Variants in SGCZ observed in about 807,000 individuals in gnomAD.
The protein encoded by SGCZ is sarcoglycan zeta, also known as zeta-sarcoglycan.
Under a neutral mutation model 41.3 loss-of-function variants are expected in SGCZ, and 40 were observed. That is an observed-to-expected ratio of 0.97 (90% CI 0.75 to 1.26). The LOEUF (loss-of-function observed/expected upper bound fraction) is 1.26. SGCZ is among the 50% of genes most tolerant of loss of function. The pLI is 0.00. For missense variants in SGCZ, 552 were observed against 369.8 expected, an observed-to-expected ratio of 1.49 and a Z score of -4.04; for synonymous variants, 206 against 137.5, an observed-to-expected ratio of 1.50 and a Z score of -3.49.
intron 1 of SGCZ, among the ~76,000 whole-genome samples, chr8:15,205,669 G>C (rs1801036373): frequency 6.6e-6 from 1 of 152,170 alleles, no homozygotes; most frequent in Non-Finnish European, 1.5e-5. Context: ...TGGTGGGAAT[G>C]TAAATTAGTT....
At chr8:14,854,218 T>C (rs1307895103) in intron 1 of SGCZ, among the ~76,000 whole-genome samples, 1 of 151,578 alleles carries the variant, frequency 6.6e-6, no homozygotes, top group Non-Finnish European at 1.5e-5. Flanking sequence ...GCAGTAACTT[T>C]TGACTTGTAA....
At chr8:15,112,574 G>A (rs528258093) in intron 1 of SGCZ, among the ~76,000 whole-genome samples, 5 of 152,314 alleles carry the variant, frequency 3.3e-5, no homozygotes, top group East Asian at 1.9e-4. Flanking sequence ...TAATGTGTCC[G>A]TTTCTGGGCC....
chr8:14,448,450 T>C (rs889347409), intron 2 of SGCZ, among the ~76,000 whole-genome samples: 10 of 152,192 alleles, frequency 6.6e-5, no homozygotes, highest in Admixed American at 5.9e-4. Context: ...TCCTGGACTA[T>C]GCATTTTGGC....
At chr8:14,189,147 C>T (rs1160660300) in intron 4 of SGCZ, among the ~76,000 whole-genome samples, 2 of 152,100 alleles carry the variant, frequency 1.3e-5, no homozygotes, top group Non-Finnish European at 2.9e-5. Flanking sequence ...GCGTGAGCCA[C>T]TGCACCTGGC....
intron 1 of SGCZ, among the ~76,000 whole-genome samples, chr8:14,892,273 C>T (rs1163731930): frequency 3.9e-5 from 6 of 152,116 alleles, no homozygotes; most frequent in Non-Finnish European, 8.8e-5. Flanking sequence ...GATATATCTG[C>T]TGAGTGTAGG....
chr8:14,536,519 T>G (rs1803301426), intron 2 of SGCZ, among the ~76,000 whole-genome samples: 1 of 151,886 alleles, frequency 6.6e-6, no homozygotes, highest in Admixed American at 6.6e-5. Flanking sequence ...TAGAAATTAT[T>G]ACTAAATAAA....
At chr8:15,136,916 C>G (rs953005868) in intron 1 of SGCZ, among the ~76,000 whole-genome samples, 1 of 152,066 alleles carries the variant, frequency 6.6e-6, no homozygotes, top group Non-Finnish European at 1.5e-5. Flanking sequence ...GAACTGGGTA[C>G]TAAAGGCAGA....
At chr8:14,267,768 G>A (rs986650058) in intron 3 of SGCZ, among the ~76,000 whole-genome samples, 7 of 152,042 alleles carry the variant, frequency 4.6e-5, no homozygotes, top group African/African-American at 1.7e-4. Context: ...GATCTAAAAT[G>A]CTTTCATTTT....
chr8:15,164,493 G>A (rs1799597430), intron 1 of SGCZ, among the ~76,000 whole-genome samples: 1 of 152,048 alleles, frequency 6.6e-6, no homozygotes, highest in Non-Finnish European at 1.5e-5. Context: ...CCCAGCCCAG[G>A]GGTTTTACTC....
At chr8:14,274,722 A>AT (rs200737288) in intron 3 of SGCZ, among the ~76,000 whole-genome samples, 5,937 of 151,862 alleles carry the variant, frequency 0.039, 145 homozygotes, top group African/African-American at 0.066. Context: ...TCCACATATA[A>AT]TTTTTTTCAC....
intron 1 of SGCZ, among the ~76,000 whole-genome samples, chr8:14,882,488 G>A (rs1016544450): frequency 2.0e-5 from 3 of 151,982 alleles, no homozygotes; most frequent in Non-Finnish European, 4.4e-5. Flanking sequence ...CGTTGGTACT[G>A]TATCTATAGA....
At chr8:14,952,687 A>T (rs549371329) in intron 1 of SGCZ, among the ~76,000 whole-genome samples, 16 of 152,310 alleles carry the variant, frequency 1.1e-4, no homozygotes, top group African/African-American at 3.4e-4. Context: ...CCTCATTAAA[A>T]TGAGATTCTA....
intron 1 of SGCZ, among the ~76,000 whole-genome samples, chr8:14,727,539 C>T (rs1285468943): frequency 6.7e-6 from 1 of 149,428 alleles, no homozygotes; most frequent in Admixed American, 6.6e-5. Context: ...GAGGTGGAGT[C>T]TCACTCTGTT....
chr8:15,237,588 G>T lies in SGCZ; in HGVS notation c.36C>A (p.Leu12=). The T allele has an allele frequency of 1.3e-6, 2 of 1,590,680 alleles. No homozygotes were observed. Among genetic ancestry groups the T allele is most frequent in the Non-Finnish European group, 1.7e-6 (2 of 1,166,772 alleles). The change falls in exon 1 of 8, where the codon CTC becomes CTA. Residue 12 remains leucine, a synonymous_variant. Coordinates refer to ENST00000382080, the MANE Select transcript of SGCZ (RefSeq NM_139167.4). ...DRSTNLDIEE[L]KMTREQYILA... Reference sequence around the variant, plus strand: ...GCCCGCCCGGACCCGCACGTACCTTGAGCTCCTCAATGTCCAGGTTCGTTG... The same window carrying T: ...GCCCGCCCGGACCCGCACGTACCTTTAGCTCCTCAATGTCCAGGTTCGTTG...
chr8:14,763,219 C>T (rs1799943753), intron 1 of SGCZ, among the ~76,000 whole-genome samples: 1 of 152,202 alleles, frequency 6.6e-6, no homozygotes, highest in Non-Finnish European at 1.5e-5. Flanking sequence ...TGAGATTTCC[C>T]TTTCTAGGAG....
At chr8:14,686,394 T>C (rs1393161350) in intron 1 of SGCZ, among the ~76,000 whole-genome samples, 1 of 152,078 alleles carries the variant, frequency 6.6e-6, no homozygotes, top group Non-Finnish European at 1.5e-5. Flanking sequence ...GTGATGGGAC[T>C]CGAAACATAG....
intron 1 of SGCZ, among the ~76,000 whole-genome samples, chr8:14,661,747 G>C (rs1807758061): frequency 6.6e-6 from 1 of 151,946 alleles, no homozygotes; most frequent in African/African-American, 2.4e-5. Flanking sequence ...CATGAACAAT[G>C]AATGGGAGAA....
chr8:14,453,932 A>G (rs768842301), intron 2 of SGCZ, among the ~76,000 whole-genome samples: 1 of 152,218 alleles, frequency 6.6e-6, no homozygotes, highest in Non-Finnish European at 1.5e-5. Context: ...GATTTAACAT[A>G]AATTACCAGA....
chr8:14,154,841 C>G (rs935647204), intron 5 of SGCZ, among the ~76,000 whole-genome samples: 2 of 152,056 alleles, frequency 1.3e-5, no homozygotes, highest in African/African-American at 4.8e-5. Flanking sequence ...GACAGGTAGT[C>G]CTATCTAAGG....
Sources: gnomAD v4.1 joint callset for allele counts (sites outside exome capture counted in the v4.1 genomes callset) on GRCh38, gnomAD v4.1.1 for gene constraint, MANE v1.5 for transcripts, NCBI Gene and HGNC (gene_info 2026-07-23, HGNC 2026-07-21) for gene names.